JAK1: variants seen among roughly 807,000 people sequenced by gnomAD.
The protein encoded by JAK1 is Janus kinase 1.
In JAK1, 16 loss-of-function variants were observed where a neutral mutation model predicts 136.6. The observed-to-expected ratio is 0.12, with a 90% CI of 0.08 to 0.18. JAK1 has a LOEUF of 0.18. JAK1 is among the 10% of genes least tolerant of loss of function. The pLI, the probability that JAK1 is intolerant of heterozygous loss-of-function variation, is 1.00. For synonymous variants in JAK1, 492 were observed against 519.5 expected (o/e 0.95, Z 0.72); for missense variants, 859 against 1,450.1 (o/e 0.59, Z 6.62).
chr1:64,871,088 G>A (rs965965115), intron 5 of JAK1, among the ~76,000 whole-genome samples: 1 of 152,188 alleles, frequency 6.6e-6, no homozygotes, highest in African/African-American at 2.4e-5. Context: ...ACAAAACTGG[G>A]AAGCTGAATC....
intron 1 of JAK1, among the ~76,000 whole-genome samples, chr1:65,066,206 G>A (rs1648033629): frequency 6.6e-6 from 1 of 152,166 alleles, no homozygotes; most frequent in Non-Finnish European, 1.5e-5. Flanking sequence ...GTGAGGGAAA[G>A]AATTCCTCGC....
intron 2 of JAK1, among the ~76,000 whole-genome samples, chr1:65,027,556 A>T (rs1646988647): frequency 6.6e-6 from 1 of 152,156 alleles, no homozygotes; most frequent in African/African-American, 2.4e-5. Flanking sequence ...ACTGGGTTGT[A>T]ATAACTGTGA....
intron 1 of JAK1, among the ~76,000 whole-genome samples, chr1:64,913,707 G>GGAAGGAA (rs1377141591): frequency 2.7e-5 from 2 of 74,932 alleles, no homozygotes; most frequent in African/African-American, 1.2e-4. Context: ...AAGGAAAGAA[G>GGAAGGAA]GGAGGGAGGG....
At chr1:64,923,001 A>G (rs1257233819) in intron 1 of JAK1, among the ~76,000 whole-genome samples, 1 of 152,238 alleles carries the variant, frequency 6.6e-6, no homozygotes, top group Non-Finnish European at 1.5e-5. Flanking sequence ...GATACTTATT[A>G]GCTACTATAA....
chr1:64,878,769 A>T (rs1644722539), intron 4 of JAK1, among the ~76,000 whole-genome samples: 1 of 152,046 alleles, frequency 6.6e-6, no homozygotes, highest in Non-Finnish European at 1.5e-5. Context: ...CTGCTGTAGG[A>T]CACTAATTCT....
intron 1 of JAK1, chr1:64,941,831 C>T (rs557642895): frequency 6.6e-6 from 1 of 152,306 alleles, no homozygotes; most frequent in African/African-American, 2.4e-5. Context: ...AGGCCAGTGT[C>T]CCCTGGGACT....
At chr1:65,014,689 T>TTC (rs987703383) in intron 2 of JAK1, among the ~76,000 whole-genome samples, 4 of 146,016 alleles carry the variant, frequency 2.7e-5, no homozygotes, top group African/African-American at 1.0e-4. Flanking sequence ...ATTCTATTCT[T>TTC]TTTTTTTTTT....
intron 2 of JAK1, among the ~76,000 whole-genome samples, chr1:65,010,897 A>T (rs1291340140): frequency 1.3e-5 from 2 of 151,900 alleles, no homozygotes; most frequent in Non-Finnish European, 2.9e-5. Context: ...CTATTCTCCC[A>T]CTTCAAGGCC....
At chr1:64,990,919 C>CAAAAAAAAAAAAAAAAAAAAA (rs1173485942) in intron 2 of JAK1, 3 of 44,130 alleles carry the variant, frequency 6.8e-5, no homozygotes, top group African/African-American at 1.5e-4. Flanking sequence ...GACTCCGTCT[C>CAAAAAAAAAAAAAAAAAAAAA]AAAAAAAAAA....
chr1:64,840,062 C>T (rs1277182598), intron 19 of JAK1, among the ~76,000 whole-genome samples: 2 of 152,184 alleles, frequency 1.3e-5, no homozygotes, highest in Admixed American at 6.5e-5. Context: ...TTTCTATGAC[C>T]ACAGGAAATG....
chr1:64,985,979 T>C lies in JAK1; in HGVS notation c.-78+58501A>G. 4.8e-6 allele frequency: 6 copies of C among 1,250,248 alleles called. No homozygotes were observed. In the South Asian group the frequency reaches 6.0e-5, roughly 12 times the overall value. The allele number at this position is 1,250,248 out of a possible 1,614,324, so 77.4% of individuals were successfully genotyped here. ...CCTTCAAAGTGTTGATAAATTCCCT[T>C]ATGATCATCTCAGGAGCATTGATGA... On this transcript the variant is annotated intron_variant, in intron 2 of 25. Coordinates refer to the JAK1 transcript ENST00000671954.
chr1:64,878,573 A>G (rs199963297), intron 4 of JAK1, among the ~76,000 whole-genome samples: 547 of 50,460 alleles, frequency 0.011, 7 homozygotes, highest in South Asian at 0.054. Flanking sequence ...ATATATATAT[A>G]TATATATATA....
intron 1 of JAK1, among the ~76,000 whole-genome samples, chr1:65,065,622 T>G (rs1363973716): frequency 6.6e-6 from 1 of 151,370 alleles, no homozygotes; most frequent in Non-Finnish European, 1.5e-5. Context: ...CTGCTCTTCC[T>G]CTGTGTTTTC....
intron 2 of JAK1, among the ~76,000 whole-genome samples, chr1:65,042,019 G>A (rs1030933955): frequency 4.0e-5 from 6 of 151,738 alleles, no homozygotes; most frequent in Non-Finnish European, 8.8e-5. Context: ...CTCCAGCCTG[G>A]GCAAGAAGAG....
Position 64,985,305 on chromosome 1 carries a change from G to A in JAK1, c.-78+59175C>T. Reference sequence around the variant, plus strand: ...AATGATGATGGGCTGTCGGTAGCTGGATACTCTAAAGAGCTCCAGCACAGT... The same window carrying A: ...AATGATGATGGGCTGTCGGTAGCTGAATACTCTAAAGAGCTCCAGCACAGT... On this transcript the variant is annotated intron_variant, in intron 2 of 25. Coordinates refer to the JAK1 transcript ENST00000671954. The A allele has an allele frequency of 5.0e-6, 8 of 1,610,440 alleles. No homozygotes were observed. The South Asian group carries it at 8.8e-5, about 18-fold the overall frequency.
chr1:64,998,509 CTG>C (rs1049775406), intron 2 of JAK1, among the ~76,000 whole-genome samples: 44 of 152,264 alleles, frequency 2.9e-4, no homozygotes, highest in African/African-American at 1.0e-3. Context: ...CAACAGGAAA[CTG>C]AAGTAATCTC....
intron 2 of JAK1, among the ~76,000 whole-genome samples, chr1:65,005,169 C>A (rs927648067): frequency 2.6e-5 from 4 of 152,014 alleles, no homozygotes; most frequent in African/African-American, 9.7e-5. Flanking sequence ...CATGATGAAG[C>A]CCCATCTCTA....
intron 2 of JAK1, among the ~76,000 whole-genome samples, chr1:65,037,136 T>C (rs1452877433): frequency 6.6e-6 from 1 of 152,096 alleles, no homozygotes; most frequent in Non-Finnish European, 1.5e-5. Flanking sequence ...CAGTGATCTG[T>C]AATTATGCCA....
chr1:64,944,468 A>G (rs974885242), intron 1 of JAK1, among the ~76,000 whole-genome samples: 1 of 152,130 alleles, frequency 6.6e-6, no homozygotes, highest in Non-Finnish European at 1.5e-5. Context: ...TTGTTTGCTA[A>G]TTCTAGAAAT....
Sources: allele counts gnomAD v4.1 joint callset (sites outside exome capture counted in the v4.1 genomes callset), GRCh38; gene constraint gnomAD v4.1.1; transcripts MANE v1.5; gene names NCBI Gene and HGNC (gene_info 2026-07-23, HGNC 2026-07-21).